Variants in PPP1R9A observed in about 807,000 individuals in gnomAD.
The protein encoded by PPP1R9A is protein phosphatase 1 regulatory subunit 9A.
In PPP1R9A, 59 loss-of-function variants were observed where a neutral mutation model predicts 141.9. The observed-to-expected ratio is 0.42, with a 90% CI of 0.34 to 0.52. The LOEUF (loss-of-function observed/expected upper bound fraction) is 0.52. Ranked by LOEUF, PPP1R9A falls within the 20% of genes least tolerant of loss-of-function variation. PPP1R9A has a pLI of 0.10. For synonymous variants in PPP1R9A, 500 were observed against 569.7 expected (o/e 0.88, Z 1.74); for missense variants, 1,444 against 1,611.9 (o/e 0.90, Z 1.78).
intron 8 of PPP1R9A, among the ~76,000 whole-genome samples, chr7:95,247,045 G>A (rs148892169): frequency 8.5e-5 from 13 of 152,240 alleles, no homozygotes; most frequent in Admixed American, 5.2e-4. Flanking sequence ...GGACCATAGC[G>A]CCACCTTTCT....
chr7:94,971,246 G>C (rs746875672), intron 2 of PPP1R9A, among the ~76,000 whole-genome samples: 4 of 152,186 alleles, frequency 2.6e-5, no homozygotes, highest in Non-Finnish European at 4.4e-5. Flanking sequence ...GGTCTAGGAA[G>C]ATTTCTTGGT....
At chr7:95,024,087 G>A (rs1327134258) in intron 2 of PPP1R9A, among the ~76,000 whole-genome samples, 4 of 152,176 alleles carry the variant, frequency 2.6e-5, no homozygotes, top group Non-Finnish European at 5.9e-5. Flanking sequence ...ATGTAATTGT[G>A]TGGTTTTGAG....
intron 2 of PPP1R9A, among the ~76,000 whole-genome samples, chr7:95,092,903 C>T (rs948535181): frequency 6.6e-6 from 1 of 152,138 alleles, no homozygotes; most frequent in Admixed American, 6.5e-5. Flanking sequence ...AGGCTTAATT[C>T]TCTCCTGTAT....
At chr7:95,140,965 CT>C (rs1826569895) in intron 4 of PPP1R9A, among the ~76,000 whole-genome samples, 1 of 152,206 alleles carries the variant, frequency 6.6e-6, no homozygotes, top group South Asian at 2.1e-4. Context: ...AGCAATCCGC[CT>C]GCCCTGCCCT....
chr7:94,967,554 A>G (rs561349387), intron 2 of PPP1R9A, among the ~76,000 whole-genome samples: 168 of 152,142 alleles, frequency 1.1e-3, no homozygotes, highest in African/African-American at 3.9e-3. Context: ...TTATTTATTT[A>G]TACTTTAATT....
intron 2 of PPP1R9A, among the ~76,000 whole-genome samples, chr7:94,965,126 T>C (rs1010520037): frequency 6.6e-6 from 1 of 152,124 alleles, no homozygotes; most frequent in East Asian, 1.9e-4. Flanking sequence ...TTTTGAAAAG[T>C]GTCTGTTCAT....
chr7:95,112,847 T>A, intron 3 of PPP1R9A, among the ~76,000 whole-genome samples: 1 of 152,098 alleles, frequency 6.6e-6, no homozygotes. Context: ...CTGCATGTTC[T>A]CACTTATAAG....
intron 5 of PPP1R9A, among the ~76,000 whole-genome samples, chr7:95,180,779 A>G (rs990136751): frequency 6.6e-6 from 1 of 151,910 alleles, no homozygotes; most frequent in South Asian, 2.1e-4. Context: ...AATGCTCAAC[A>G]TCACTAATAA....
At chr7:95,148,122 T>C (rs1827981225) in intron 4 of PPP1R9A, among the ~76,000 whole-genome samples, 1 of 152,116 alleles carries the variant, frequency 6.6e-6, no homozygotes, top group African/African-American at 2.4e-5. Flanking sequence ...TAAAATCAGC[T>C]ATCTAAGCAT....
intron 5 of PPP1R9A, among the ~76,000 whole-genome samples, chr7:95,197,620 C>T (rs1270474741): frequency 6.6e-6 from 1 of 152,030 alleles, no homozygotes; most frequent in Admixed American, 6.5e-5. Context: ...ATTTAGCCAC[C>T]TGAGTTATGC....
chr7:95,064,217 A>G (rs1812643965), intron 2 of PPP1R9A, among the ~76,000 whole-genome samples: 1 of 152,190 alleles, frequency 6.6e-6, no homozygotes, highest in African/African-American at 2.4e-5. Flanking sequence ...TCAGTAAATC[A>G]TTATATAACC....
intron 2 of PPP1R9A, among the ~76,000 whole-genome samples, chr7:95,100,649 C>T (rs1818644311): frequency 6.6e-6 from 1 of 152,076 alleles, no homozygotes; most frequent in Non-Finnish European, 1.5e-5. Context: ...CTATAAGCAG[C>T]CATGCCTAGG....
intron 2 of PPP1R9A, among the ~76,000 whole-genome samples, chr7:95,050,547 G>C (rs943540750): frequency 3.9e-5 from 6 of 152,104 alleles, no homozygotes; most frequent in African/African-American, 1.4e-4. Context: ...GACCAATGTG[G>C]TGATACCCTG....
intron 2 of PPP1R9A, among the ~76,000 whole-genome samples, chr7:94,985,745 A>G (rs1466239558): frequency 6.6e-6 from 1 of 151,710 alleles, no homozygotes; most frequent in African/African-American, 2.4e-5. Flanking sequence ...GATAGGTCTT[A>G]GAGGAGAGTT....
rs115310389 is a variant in PPP1R9A, at chr7:95,257,469, G to A, written c.2665+5339G>A. Among the ~76,000 whole-genome samples the A allele has an allele frequency of 3.0e-3, 451 of 151,680 alleles. 2 individuals are homozygous for A. Among genetic ancestry groups the A allele is most frequent in the African/African-American group, 9.9e-3 (411 of 41,360 alleles). On this transcript the variant is annotated intron_variant, in intron 12 of 19. Coordinates refer to ENST00000433360, the MANE Select transcript of PPP1R9A (RefSeq NM_001166160.2). ...GATTACAGTCTCAAATTTGAAAGACGATACTTAACACTCTTAGAAGAAAAT... is the reference window on the plus strand; with the variant it reads ...GATTACAGTCTCAAATTTGAAAGACAATACTTAACACTCTTAGAAGAAAAT...
At chr7:95,055,810 G>A (rs1811424764) in intron 2 of PPP1R9A, among the ~76,000 whole-genome samples, 1 of 152,024 alleles carries the variant, frequency 6.6e-6, no homozygotes, top group African/African-American at 2.4e-5. Context: ...TACACTCTAA[G>A]TTTGACCTCA....
At position 94,910,851 on chromosome 7, in the gene PPP1R9A, T is replaced by C; in HGVS notation, c.738T>C (p.Leu246=). The C allele has an allele frequency of 6.2e-7, 1 of 1,613,928 alleles. No homozygotes were observed. The highest frequency in any genetic ancestry group is 8.5e-7 in the Non-Finnish European group (1 of 1,180,022). The change falls in exon 2 of 20, where the codon CTT becomes CTC. Residue 246 remains leucine, a synonymous_variant. Coordinates refer to ENST00000433360, the MANE Select transcript of PPP1R9A (RefSeq NM_001166160.2). The surrounding 1 kb of genome is among the most constrained non-coding windows in gnomAD (Gnocchi z 4.5). ...TACCATCTGTTACTGTTACAAATCT[T>C]GACACATTTGGTCACCTGAAGGATT... is the stretch of plus-strand genomic sequence containing the variant. ...LNLPSVTVTN[L]DTFGHLKDSN...
At chr7:95,142,789 CTG>C (rs1342594234) in intron 4 of PPP1R9A, among the ~76,000 whole-genome samples, 1 of 152,010 alleles carries the variant, frequency 6.6e-6, no homozygotes, top group East Asian at 1.9e-4. Context: ...CATTGTGAAA[CTG>C]TATGGACCTA....
intron 2 of PPP1R9A, among the ~76,000 whole-genome samples, chr7:94,961,044 A>G (rs1455797301): frequency 6.6e-6 from 1 of 151,606 alleles, no homozygotes; most frequent in Non-Finnish European, 1.5e-5. Flanking sequence ...CTCTATGTAA[A>G]TTAGTTTGAA....
Sources: allele counts gnomAD v4.1 joint callset (sites outside exome capture counted in the v4.1 genomes callset), GRCh38; gene constraint gnomAD v4.1.1; non-coding constraint Gnocchi (gnomAD v3.1); transcripts MANE v1.5; gene names NCBI Gene and HGNC (gene_info 2026-07-23, HGNC 2026-07-21).